GALNT17: variants seen among roughly 807,000 people sequenced by gnomAD.
GALNT17 encodes the protein polypeptide N-acetylgalactosaminyltransferase 17.
In GALNT17, 29 loss-of-function variants were observed where a neutral mutation model predicts 63.7. That is an observed-to-expected ratio of 0.46 (90% CI 0.34 to 0.62). The LOEUF (loss-of-function observed/expected upper bound fraction) is 0.62, where lower values mean the gene tolerates loss of function less well. GALNT17 is among the 20% of genes least tolerant of loss of function. The probability of loss-of-function intolerance (pLI) is 0.01; values close to 1 mark genes in which losing one functional copy is unlikely to be tolerated. For missense variants in GALNT17, 603 were observed against 799.6 expected (o/e 0.75, Z 2.97); for synonymous variants, 305 against 318.3 (o/e 0.96, Z 0.45).
chr7:71,233,223 G>C (rs2057940), intron 1 of GALNT17, among the ~76,000 whole-genome samples: 11,231 of 152,138 alleles, frequency 0.074, 690 homozygotes, highest in East Asian at 0.3. Flanking sequence ...TTATTGAGCT[G>C]ACAAGCCTGG....
intron 5 of GALNT17, among the ~76,000 whole-genome samples, chr7:71,484,410 C>T (rs959606323): frequency 7.2e-5 from 11 of 152,130 alleles, no homozygotes; most frequent in African/African-American, 2.4e-4. Context: ...ATGGCTTGAA[C>T]TCAGGAGGCA....
intron 6 of GALNT17, among the ~76,000 whole-genome samples, chr7:71,647,461 A>G (rs1446512138): frequency 2.6e-5 from 4 of 152,134 alleles, no homozygotes; most frequent in Admixed American, 2.6e-4. Flanking sequence ...CAGGAACTGG[A>G]GAGGAGTGTG....
chr7:71,430,666 G>A (rs1478749293), intron 5 of GALNT17, among the ~76,000 whole-genome samples: 1 of 152,166 alleles, frequency 6.6e-6, no homozygotes, highest in African/African-American at 2.4e-5. Context: ...TAAATTATAA[G>A]GTATGGGTGC....
At chr7:71,628,770 A>G (rs1584100099) in intron 6 of GALNT17, among the ~76,000 whole-genome samples, 1 of 152,052 alleles carries the variant, frequency 6.6e-6, no homozygotes, top group East Asian at 2.0e-4. Context: ...GTCTCTACTC[A>G]TAATATAAAA....
chr7:71,450,354 C>G (rs555245693), intron 5 of GALNT17, among the ~76,000 whole-genome samples: 1 of 151,910 alleles, frequency 6.6e-6, no homozygotes, highest in African/African-American at 2.4e-5. Context: ...AGGCTGGTCT[C>G]GTCGCGACCT....
chr7:71,521,279 T>G (rs762173752), intron 5 of GALNT17, among the ~76,000 whole-genome samples: 21 of 151,928 alleles, frequency 1.4e-4, no homozygotes, highest in Non-Finnish European at 2.2e-4. Flanking sequence ...TGCTGGTGAG[T>G]TAGGCCAAGA....
chr7:71,700,494 A>T (rs1050709426), intron 9 of GALNT17, among the ~76,000 whole-genome samples: 3 of 152,138 alleles, frequency 2.0e-5, no homozygotes, highest in Non-Finnish European at 4.4e-5. Context: ...GCTCTTGATG[A>T]GAAAGCCCCG....
chr7:71,670,905 T>TGTGTGC (rs1554322051), intron 8 of GALNT17, among the ~76,000 whole-genome samples: 5 of 117,976 alleles, frequency 4.2e-5, no homozygotes, highest in African/African-American at 1.4e-4. Flanking sequence ...TGTGTGTGCG[T>TGTGTGC]GTGTGTGTGT....
At chr7:71,655,365 C>T (rs534610966) in intron 6 of GALNT17, among the ~76,000 whole-genome samples, 4 of 152,152 alleles carry the variant, frequency 2.6e-5, no homozygotes, top group African/African-American at 4.8e-5. Context: ...CAGATCTGAT[C>T]GGGTAGTGTG....
At chr7:71,385,681 G>C (rs1163859303) in intron 2 of GALNT17, among the ~76,000 whole-genome samples, 1 of 151,412 alleles carries the variant, frequency 6.6e-6, no homozygotes, top group Non-Finnish European at 1.5e-5. Flanking sequence ...GATACTATGT[G>C]GGAATACTTT....
intron 1 of GALNT17, among the ~76,000 whole-genome samples, chr7:71,306,582 C>T (rs7785158): frequency 0.014 from 2,080 of 152,280 alleles, 50 homozygotes; most frequent in African/African-American, 0.047. Flanking sequence ...CTTTTGAAGG[C>T]TGAATAATAA....
At chr7:71,221,173 A>G (rs776757498) in intron 1 of GALNT17, among the ~76,000 whole-genome samples, 5 of 152,098 alleles carry the variant, frequency 3.3e-5, no homozygotes, top group Non-Finnish European at 7.4e-5. Context: ...GGAGGTACTC[A>G]GCTGTCTGGG....
chr7:71,308,179 T>A (rs1791342370), intron 1 of GALNT17, among the ~76,000 whole-genome samples: 1 of 152,130 alleles, frequency 6.6e-6, no homozygotes. Flanking sequence ...AATGGCACTA[T>A]TCTTGTCGTG....
At chr7:71,455,756 G>T (rs902355626) in intron 5 of GALNT17, among the ~76,000 whole-genome samples, 10 of 152,178 alleles carry the variant, frequency 6.6e-5, no homozygotes, top group African/African-American at 1.9e-4. Flanking sequence ...TATCACAGTG[G>T]CTAGGAGATG....
At chr7:71,146,947 G>T (rs925405352) in intron 1 of GALNT17, among the ~76,000 whole-genome samples, 1 of 152,128 alleles carries the variant, frequency 6.6e-6, no homozygotes, top group Admixed American at 6.5e-5. Flanking sequence ...ACACAAGGGA[G>T]GCTAATTGTG....
chr7:71,280,258 G>GTTCTGTCAT (rs1790756771), intron 1 of GALNT17, among the ~76,000 whole-genome samples: 1 of 152,130 alleles, frequency 6.6e-6, no homozygotes, highest in South Asian at 2.1e-4. Flanking sequence ...TTTGGTGTAT[G>GTTCTGTCAT]TTCTGTCCTT....
At position 71,138,836 on chromosome 7, in the gene GALNT17, G is replaced by A. The variant is rs537395762; in HGVS notation, c.238+5796G>A. Among the ~76,000 whole-genome samples the A allele has an allele frequency of 2.1e-3, 317 of 152,244 alleles. 1 individual carries two copies. The highest frequency in any genetic ancestry group is 3.4e-3 in the Non-Finnish European group (233 of 68,024). ...AAAAAAATACAAAAAGTAGCAGGGCGTGGTGGCTGGTGCCTGTAATCCCAG... is the reference window on the plus strand; with the variant it reads ...AAAAAAATACAAAAAGTAGCAGGGCATGGTGGCTGGTGCCTGTAATCCCAG... On this transcript the variant is annotated intron_variant, in intron 1 of 10. Transcript: ENST00000333538.
chr7:71,600,534 C>T (rs10273024), intron 6 of GALNT17, among the ~76,000 whole-genome samples: 18,305 of 151,984 alleles, frequency 0.12, 1,940 homozygotes, highest in African/African-American at 0.29. Context: ...CACCATGATG[C>T]AGCTGCTCTT....
intron 1 of GALNT17, among the ~76,000 whole-genome samples, chr7:71,151,636 A>AAG (rs1181170764): frequency 6.6e-6 from 1 of 151,014 alleles, no homozygotes; most frequent in Non-Finnish European, 1.5e-5. Context: ...AAGAAAAGAA[A>AAG]AAAAAAAAAA....
Sources: allele counts gnomAD v4.1 joint callset (sites outside exome capture counted in the v4.1 genomes callset), GRCh38; gene constraint gnomAD v4.1.1; transcripts MANE v1.5; gene names NCBI Gene and HGNC (gene_info 2026-07-23, HGNC 2026-07-21).